The following WNK1 variants were observed in gnomAD, a reference collection of about 807,000 sequenced individuals.
The protein encoded by WNK1 is serine/threonine-protein kinase WNK1.
A neutral mutation model predicts 222.8 loss-of-function variants in WNK1; 38 were observed. The ratio of observed to expected loss-of-function variants is 0.17; its 90% CI spans 0.13 to 0.22. The LOEUF (loss-of-function observed/expected upper bound fraction) is 0.22. WNK1 is among the 10% of genes least tolerant of loss of function. The pLI is 1.00. For missense variants in WNK1, 2,348 were observed against 2,918.4 expected, an observed-to-expected ratio of 0.80 and a Z score of 4.50; for synonymous variants, 1,090 against 1,092.9, an observed-to-expected ratio of 1.00 and a Z score of 0.05.
intron 4 of WNK1, among the ~76,000 whole-genome samples, chr12:852,198 G>C (rs1483562867): frequency 3.3e-5 from 5 of 152,124 alleles, no homozygotes; most frequent in Non-Finnish European, 7.4e-5. Context: ...TGAGAAGTCA[G>C]CCTATAAAAT....
intron 2 of WNK1, among the ~76,000 whole-genome samples, chr12:820,026 A>G (rs990224890): frequency 1.3e-5 from 2 of 152,062 alleles, no homozygotes; most frequent in African/African-American, 4.8e-5. Context: ...CTTTTTCACT[A>G]TTGTTTTTGA....
chr12:761,143 A>G (rs1324812199), intron 1 of WNK1, among the ~76,000 whole-genome samples: 1 of 147,518 alleles, frequency 6.8e-6, no homozygotes, highest in Non-Finnish European at 1.5e-5. Context: ...GAAAAGCATC[A>G]GTAAGCTGTG....
At chr12:847,959 C>T (rs1369487866) in intron 4 of WNK1, among the ~76,000 whole-genome samples, 2 of 151,886 alleles carry the variant, frequency 1.3e-5, no homozygotes, top group African/African-American at 4.8e-5. Context: ...AGGCATGTGC[C>T]AACATGCCCA....
At chr12:764,627 T>G (rs1221597195) in intron 1 of WNK1, among the ~76,000 whole-genome samples, 1 of 58,722 alleles carries the variant, frequency 1.7e-5, no homozygotes, top group East Asian at 5.8e-4. Flanking sequence ...CGAGCGAAAC[T>G]CCGTCTCAAA....
At chr12:895,859 C>G (rs1291488833) in intron 23 of WNK1, among the ~76,000 whole-genome samples, 1 of 152,172 alleles carries the variant, frequency 6.6e-6, no homozygotes, top group East Asian at 1.9e-4. Context: ...GCGTAGCCAG[C>G]CACACAGAAT....
At position 896,466 on chromosome 12, in the gene WNK1, A is replaced by G; in HGVS notation, c.5979A>G (p.Ile1993Met). 6.2e-7 allele frequency: 1 copy of G among 1,614,016 alleles called. No homozygotes were observed. The highest frequency in any genetic ancestry group is 1.1e-5 in the South Asian group (1 of 91,058). The part of the protein sequence containing the change: ...DLEQAVLPAV[I>M]PKKEKPELSE... The stretch of plus-strand genomic sequence containing the variant: ...AACAAGCTGTTCTTCCTGCTGTGAT[A>G]CCAAAGAAAGAGAAGCCTGAACTGT... The change falls in exon 24 of 28, where the codon ATA becomes ATG. Residue 1993 changes from isoleucine (I) to methionine (M), a missense_variant. This residue lies in a region of WNK1 where 1,144 missense variants were observed against 1,273.6 expected (regional missense o/e 0.90). Transcript: ENST00000315939.
chr12:838,591 T>C (rs1337106783), intron 4 of WNK1, among the ~76,000 whole-genome samples: 1 of 151,908 alleles, frequency 6.6e-6, no homozygotes, highest in Non-Finnish European at 1.5e-5. Flanking sequence ...TTTTTTTGTA[T>C]TTTTTGTAGA....
In WNK1 at chr12:861,979, A is replaced by G. The variant is rs920884886; in HGVS notation, c.1952-104A>G. On this transcript the variant is annotated intron_variant, in intron 7 of 27. Coordinates refer to ENST00000315939, the MANE Select transcript of WNK1 (RefSeq NM_018979.4). ...GTTCAAATCTGTGCAAGGAATAACT[A>G]GTTACCCCTAATATAATGGGTCTAA... 5 of 1,243,346 alleles carry G rather than the reference A, an allele frequency of 4.0e-6. No homozygotes were observed. The African/African-American group carries it at 5.9e-5, about 15-fold the overall frequency. The allele number at this position is 1,243,346 out of a possible 1,614,324, so 77.0% of individuals were successfully genotyped here.
At chr12:833,098 A>G (rs1239088832) in intron 4 of WNK1, among the ~76,000 whole-genome samples, 2 of 151,870 alleles carry the variant, frequency 1.3e-5, no homozygotes, top group South Asian at 2.1e-4. Flanking sequence ...AGAAAACTTA[A>G]GAGGTATATT....
chr12:878,866 A>C (rs1952865786), intron 10 of WNK1, among the ~76,000 whole-genome samples: 1 of 151,708 alleles, frequency 6.6e-6, no homozygotes, highest in African/African-American at 2.4e-5. Flanking sequence ...CCTTTTTTCA[A>C]CTTTATTTTT....
intron 1 of WNK1, among the ~76,000 whole-genome samples, chr12:812,599 A>G (rs1241070708): frequency 6.6e-6 from 1 of 152,172 alleles, no homozygotes; most frequent in East Asian, 1.9e-4. Context: ...GTTTCCTTTT[A>G]TTACATTCCT....
chr12:892,164 G>A (rs1954307992), intron 22 of WNK1, among the ~76,000 whole-genome samples: 1 of 150,840 alleles, frequency 6.6e-6, no homozygotes, highest in African/African-American at 2.4e-5. Flanking sequence ...CCATGTTGGT[G>A]TGCTGCACCC....
chr12:839,608 C>A (rs1178085617), intron 4 of WNK1, among the ~76,000 whole-genome samples: 1 of 152,042 alleles, frequency 6.6e-6, no homozygotes. Flanking sequence ...TACTTAAGAT[C>A]AAACAATATC....
chr12:753,204 G>A lies in WNK1; in HGVS notation c.-362G>A, dbSNP rs1939456861. 9.9e-6 allele frequency: 2 copies of A among 202,970 alleles called. No individual in the cohort carries two copies. The highest frequency in any genetic ancestry group is 2.0e-5 in the Non-Finnish European group (2 of 100,866). 12.6% of individuals were successfully genotyped at this position (202,970 alleles called of 1,614,324 possible). On this transcript the variant is annotated 5_prime_UTR_variant, in exon 1 of 28. Transcript: ENST00000315939. This position sits in a 1 kb window ranked among gnomAD's most constrained non-coding sequence, Gnocchi z 5.2. ...GCCGCATCCGCCTCGACTCGGTGCCGGCCCCTGGCCCTCCCCTCATGACTG... is the reference window on the plus strand; with the variant it reads ...GCCGCATCCGCCTCGACTCGGTGCCAGCCCCTGGCCCTCCCCTCATGACTG...
At chr12:840,215 A>T (rs1280678228) in intron 4 of WNK1, among the ~76,000 whole-genome samples, 1 of 151,450 alleles carries the variant, frequency 6.6e-6, no homozygotes, top group Non-Finnish European at 1.5e-5. Context: ...GTAGCCTTGA[A>T]CTTCTGGGCT....
chr12:843,299 G>A (rs1232550749), intron 4 of WNK1, among the ~76,000 whole-genome samples: 4 of 152,048 alleles, frequency 2.6e-5, no homozygotes, highest in Non-Finnish European at 5.9e-5. Flanking sequence ...AAGTTATTGA[G>A]GACCCCAAAG....
chr12:884,515 T>C lies in WNK1; in HGVS notation c.3845-134T>C. 1 of 996,942 alleles carries C rather than the reference T, an allele frequency of 1.0e-6. No homozygotes were observed. The highest frequency in any genetic ancestry group is 1.4e-5 in the South Asian group (1 of 70,058). The allele number at this position is 996,942 out of a possible 1,614,324, so 61.8% of individuals were successfully genotyped here. On this transcript the variant is annotated intron_variant, in intron 18 of 27. Transcript: ENST00000315939. The surrounding 1 kb of genome is among the most constrained non-coding windows in gnomAD (Gnocchi z 5.6). ...TTTATTTCTGCACTTAGTACTGTTG[T>C]CTATGTTTTAAGATTACTCCATATT...
At chr12:775,133 T>G (rs1319052317) in intron 1 of WNK1, among the ~76,000 whole-genome samples, 2 of 152,184 alleles carry the variant, frequency 1.3e-5, no homozygotes, top group Non-Finnish European at 2.9e-5. Context: ...TGTTATAGTA[T>G]TAAAATCTGA....
intron 26 of WNK1, chr12:901,578 T>C (rs994405805): frequency 2.3e-6 from 3 of 1,289,132 alleles, no homozygotes; most frequent in Non-Finnish European, 3.0e-6. Flanking sequence ...GAAGTTTAAC[T>C]GTGCATCTGA....
Sources: allele counts gnomAD v4.1 joint callset (sites outside exome capture counted in the v4.1 genomes callset), GRCh38; gene constraint gnomAD v4.1.1; regional missense constraint gnomAD v4.1.1; non-coding constraint Gnocchi (gnomAD v3.1); transcripts MANE v1.5; gene names NCBI Gene and HGNC (gene_info 2026-07-23, HGNC 2026-07-21).